The following ARHGAP26 variants were observed in gnomAD, a reference collection of about 807,000 sequenced individuals.
ARHGAP26 encodes rho GTPase-activating protein 26.
In ARHGAP26, 38 loss-of-function variants were observed where a neutral mutation model predicts 104.8. The observed-to-expected ratio is 0.36, with a 90% CI of 0.28 to 0.48. The LOEUF (loss-of-function observed/expected upper bound fraction) is 0.48. Among genes scored for constraint, ARHGAP26 ranks in the 20% least tolerant of loss-of-function variants. The pLI, the probability that ARHGAP26 is intolerant of heterozygous loss-of-function variation, is 0.99. For missense variants in ARHGAP26, 704 were observed against 947.9 expected (o/e 0.74, Z 3.38); for synonymous variants, 341 against 340.0 (o/e 1.00, Z -0.03).
intron 11 of ARHGAP26, among the ~76,000 whole-genome samples, chr5:142,955,310 A>AT (rs1401139110): frequency 6.6e-6 from 1 of 151,832 alleles, no homozygotes; most frequent in Non-Finnish European, 1.5e-5. Context: ...CAAAAAAAAA[A>AT]TTTTTTTTTA....
At chr5:142,872,094 G>A (rs1189894147) in intron 1 of ARHGAP26, among the ~76,000 whole-genome samples, 1 of 152,150 alleles carries the variant, frequency 6.6e-6, no homozygotes, top group East Asian at 1.9e-4. Context: ...CTTGGAAGGA[G>A]CACTGGGGAT....
At chr5:142,942,026 C>G (rs1252205885) in intron 11 of ARHGAP26, among the ~76,000 whole-genome samples, 1 of 151,336 alleles carries the variant, frequency 6.6e-6, no homozygotes, top group Non-Finnish European at 1.5e-5. Flanking sequence ...TTTTGCTGTA[C>G]TTTCCCCATT....
chr5:143,209,955 G>A (rs1809183028), intron 21 of ARHGAP26, among the ~76,000 whole-genome samples: 1 of 152,030 alleles, frequency 6.6e-6, no homozygotes, highest in Admixed American at 6.6e-5. Context: ...AGGTCCACTG[G>A]GGCCTCCCTC....
chr5:142,800,835 G>T (rs1249374419), intron 1 of ARHGAP26, among the ~76,000 whole-genome samples: 1 of 152,194 alleles, frequency 6.6e-6, no homozygotes, highest in Non-Finnish European at 1.5e-5. Context: ...AAACTGGAAG[G>T]TCTTAGAATC....
intron 1 of ARHGAP26, among the ~76,000 whole-genome samples, chr5:142,802,463 G>A (rs1762255228): frequency 6.6e-6 from 1 of 152,160 alleles, no homozygotes; most frequent in Admixed American, 6.5e-5. Flanking sequence ...AAGTAAAATG[G>A]ATTCTTGAAT....
At chr5:143,193,658 T>C (rs901680136) in intron 20 of ARHGAP26, among the ~76,000 whole-genome samples, 5 of 152,170 alleles carry the variant, frequency 3.3e-5, no homozygotes, top group Non-Finnish European at 7.4e-5. Context: ...CGTAAAGTGC[T>C]TCCTGTAAGT....
chr5:143,047,283 C>T (rs906615378), intron 14 of ARHGAP26, among the ~76,000 whole-genome samples: 7 of 152,124 alleles, frequency 4.6e-5, no homozygotes, highest in African/African-American at 1.4e-4. Flanking sequence ...ACAGTTCCAC[C>T]GCTTATTTCT....
intron 20 of ARHGAP26, among the ~76,000 whole-genome samples, chr5:143,150,009 T>C (rs1200343359): frequency 6.6e-6 from 1 of 152,216 alleles, no homozygotes; most frequent in Non-Finnish European, 1.5e-5. Flanking sequence ...TAATCTTTCC[T>C]AATTCTCCAA....
intron 1 of ARHGAP26, among the ~76,000 whole-genome samples, chr5:142,783,135 A>C (rs1019151932): frequency 6.6e-5 from 10 of 152,192 alleles, no homozygotes; most frequent in Admixed American, 6.5e-4. Flanking sequence ...CTTAATGTGC[A>C]CAGCTGTGCT....
At chr5:142,938,324 G>T (rs1422342589) in intron 11 of ARHGAP26, among the ~76,000 whole-genome samples, 1 of 152,112 alleles carries the variant, frequency 6.6e-6, no homozygotes, top group African/African-American at 2.4e-5. Flanking sequence ...TTCACTTTCT[G>T]TTAAATCTGG....
chr5:142,924,786 T>G (rs1763678383), intron 10 of ARHGAP26, among the ~76,000 whole-genome samples: 2 of 152,234 alleles, frequency 1.3e-5, no homozygotes, highest in Non-Finnish European at 2.9e-5. Context: ...TACCATTGCC[T>G]TCCAGTGATG....
chr5:143,176,865 C>T (rs186976192), intron 20 of ARHGAP26, among the ~76,000 whole-genome samples: 1 of 152,142 alleles, frequency 6.6e-6, no homozygotes, highest in Non-Finnish European at 1.5e-5. Context: ...TCTCAGAATC[C>T]GTAAATGCCT....
At chr5:142,974,369 C>A (rs1341780969) in intron 11 of ARHGAP26, among the ~76,000 whole-genome samples, 1 of 151,960 alleles carries the variant, frequency 6.6e-6, no homozygotes, top group Non-Finnish European at 1.5e-5. Flanking sequence ...ACAGCTAAAC[C>A]CTGGCAGGAT....
chr5:143,225,927 A>G lies in ARHGAP26; in HGVS notation c.*3481A>G, dbSNP rs150888121. On this transcript the variant is annotated 3_prime_UTR_variant, in exon 23 of 23. Transcript: ENST00000645722. Reference sequence around the variant, plus strand: ...AGCCAATGAGTAGGAAGGAACTTGAAGACTAAAGATTTTACTCTCTCCCCT... The same window carrying G: ...AGCCAATGAGTAGGAAGGAACTTGAGGACTAAAGATTTTACTCTCTCCCCT... 4.5e-6 allele frequency: 1 copy of G among 221,388 alleles called. No homozygotes were observed. The highest frequency in any genetic ancestry group is 2.2e-5 in the African/African-American group (1 of 44,688). The allele number at this position is 221,388 out of a possible 1,614,324, so 13.7% of individuals were successfully genotyped here.
chr5:142,990,222 A>G (rs1035901151), intron 11 of ARHGAP26, among the ~76,000 whole-genome samples: 8 of 152,098 alleles, frequency 5.3e-5, no homozygotes, highest in African/African-American at 1.9e-4. Flanking sequence ...AATCACTGAT[A>G]CCCTTTCTTC....
At chr5:142,937,781 G>T (rs978705274) in intron 11 of ARHGAP26, among the ~76,000 whole-genome samples, 19 of 147,732 alleles carry the variant, frequency 1.3e-4, no homozygotes, top group Admixed American at 1.0e-3. Flanking sequence ...AATGAAAAAG[G>T]CCAGTCTCAA....
intron 1 of ARHGAP26, among the ~76,000 whole-genome samples, chr5:142,801,673 A>G (rs1430052485): frequency 6.6e-6 from 1 of 151,138 alleles, no homozygotes. Context: ...AAATATGATG[A>G]TGAAGAATTC....
chr5:143,125,554 A>G (rs1599128535), intron 18 of ARHGAP26, among the ~76,000 whole-genome samples: 1 of 152,248 alleles, frequency 6.6e-6, no homozygotes, highest in South Asian at 2.1e-4. Context: ...GTTTGGCACA[A>G]TTCTGGGAAA....
chr5:143,109,138 A>G (rs912374886), intron 17 of ARHGAP26, among the ~76,000 whole-genome samples: 3 of 152,258 alleles, frequency 2.0e-5, no homozygotes, highest in Admixed American at 6.5e-5. Flanking sequence ...ATGGGTGGCT[A>G]TTAGCTGGGT....
Sources: allele counts gnomAD v4.1 joint callset (sites outside exome capture counted in the v4.1 genomes callset), GRCh38; gene constraint gnomAD v4.1.1; transcripts MANE v1.5; gene names NCBI Gene and HGNC (gene_info 2026-07-23, HGNC 2026-07-21).